Variants in NAV2 observed in about 807,000 individuals in gnomAD.
NAV2 encodes helicase, APC down-regulated 1.
In NAV2, 54 loss-of-function variants were observed where a neutral mutation model predicts 223.2. The observed-to-expected ratio is 0.24, with a 90% CI of 0.19 to 0.30. The LOEUF (loss-of-function observed/expected upper bound fraction) is 0.30. NAV2 is among the 10% of genes least tolerant of loss of function. NAV2 has a pLI of 1.00. For synonymous variants in NAV2, 1,279 were observed against 1,239.3 expected (o/e 1.03, Z -0.67); for missense variants, 2,806 against 3,147.5 (o/e 0.89, Z 2.60).
intron 1 of NAV2, among the ~76,000 whole-genome samples, chr11:19,616,391 A>T (rs1216252535): frequency 6.6e-6 from 1 of 150,470 alleles, no homozygotes; most frequent in Non-Finnish European, 1.5e-5. Flanking sequence ...TGTGTATTGC[A>T]GCCTGTTTGT....
At chr11:19,627,626 G>A (rs2047208364) in intron 1 of NAV2, among the ~76,000 whole-genome samples, 1 of 152,106 alleles carries the variant, frequency 6.6e-6, no homozygotes, top group African/African-American at 2.4e-5. Flanking sequence ...AGTCACAATT[G>A]TCATGTAGGT....
At chr11:19,532,666 A>G (rs1413632228) in intron 1 of NAV2, among the ~76,000 whole-genome samples, 1 of 152,220 alleles carries the variant, frequency 6.6e-6, no homozygotes, top group Middle Eastern at 3.2e-3. Context: ...GCTGCAGACT[A>G]GAGTATTTCA....
intron 1 of NAV2, among the ~76,000 whole-genome samples, chr11:19,535,488 A>T (rs1175041565): frequency 6.6e-6 from 1 of 152,190 alleles, no homozygotes; most frequent in Non-Finnish European, 1.5e-5. Context: ...CCTCATGGTG[A>T]GAAGGGGTGG....
chr11:19,716,078 G>A (rs1210755251), intron 1 of NAV2, among the ~76,000 whole-genome samples: 1 of 151,898 alleles, frequency 6.6e-6, no homozygotes, highest in East Asian at 1.9e-4. Flanking sequence ...CAGTCTCTTG[G>A]TTATGGCATG....
chr11:19,345,737 C>T (rs912690049), upstream of NAV2, among the ~76,000 whole-genome samples: 2 of 152,250 alleles, frequency 1.3e-5, no homozygotes, highest in Non-Finnish European at 2.9e-5. This position sits in a 1 kb window ranked among gnomAD's most constrained non-coding sequence, Gnocchi z 5.2. Flanking sequence ...CGCACTTTCC[C>T]GGCCTCCAGC....
Position 19,880,099 on chromosome 11 carries a change from T to G in NAV2, c.742T>G (p.Ser248Ala), listed in dbSNP as rs766165347. The change falls in exon 5 of 38, where the codon TCA becomes GCA. Residue 248 changes from serine (S) to alanine (A), a missense_variant. Ser to Ala is a moderately conservative substitution (Grantham distance 99). Around this residue, in one of 4 missense-constraint regions of NAV2, gnomAD observed 1,167 missense variants for 1,180.5 expected, o/e 0.99. Transcript: ENST00000349880. ...QPHQPAPHQQ[S>A]KAQAEMQSRL... ...TCACCAGCCAGCGCCACATCAGCAGTCAAAAGCACAAGCTGAAATGCAGTC... is the reference window on the plus strand; with the variant it reads ...TCACCAGCCAGCGCCACATCAGCAGGCAAAAGCACAAGCTGAAATGCAGTC... 6.2e-7 allele frequency: 1 copy of G among 1,603,546 alleles called. No homozygotes were observed. Among genetic ancestry groups the G allele is most frequent in the East Asian group, 2.2e-5 (1 of 44,628 alleles).
chr11:20,082,564 C>T, intron 25 of NAV2: 6 of 1,613,856 alleles, frequency 3.7e-6, no homozygotes, highest in Non-Finnish European at 5.1e-6. Context: ...TCCCCCTTCC[C>T]CATTTTTGCT....
intron 18 of NAV2, among the ~76,000 whole-genome samples, chr11:20,054,942 G>A (rs1321859995): frequency 1.3e-5 from 2 of 152,186 alleles, no homozygotes; most frequent in African/African-American, 4.8e-5. Context: ...TAGATAGCAA[G>A]CATTAGACAC....
At chr11:19,847,188 A>C (rs748791547) in intron 3 of NAV2, among the ~76,000 whole-genome samples, 16 of 152,282 alleles carry the variant, frequency 1.1e-4, no homozygotes, top group Non-Finnish European at 2.2e-4. Flanking sequence ...CTGCTTCCCA[A>C]TTTGAACTCA....
In NAV2 at chr11:20,120,441, C is replaced by T. The variant is rs1013863460; in HGVS notation, c.*2183C>T. On this transcript the variant is annotated 3_prime_UTR_variant, in exon 38 of 38. Coordinates refer to ENST00000349880, the MANE Select transcript of NAV2 (RefSeq NM_145117.5). ...CCAAACCCTAAGATTTCTGGTAAAC[C>T]TGAAGGGTGGCCCTCCTCAGACAAT... The T allele has an allele frequency of 6.6e-6, 1 of 152,624 alleles. No individual in the cohort carries two copies. The highest frequency in any genetic ancestry group is 6.5e-5 in the Admixed American group (1 of 15,278). The allele number at this position is 152,624 out of a possible 1,614,324, so 9.5% of individuals were successfully genotyped here. A position where few individuals can be genotyped will look rare whatever the true frequency, so the allele number is the denominator to read the frequency against.
intron 1 of NAV2, among the ~76,000 whole-genome samples, chr11:19,736,523 T>C (rs2052315677): frequency 6.6e-6 from 1 of 152,206 alleles, no homozygotes; most frequent in Non-Finnish European, 1.5e-5. Context: ...CTGGATATGC[T>C]GAGCTCTAAT....
intron 1 of NAV2, among the ~76,000 whole-genome samples, chr11:19,404,666 A>G (rs1275445900): frequency 6.6e-6 from 1 of 152,212 alleles, no homozygotes. Flanking sequence ...AAAAAATTGT[A>G]AATGCGCCTC....
At chr11:19,631,235 T>G (rs2047337391) in intron 1 of NAV2, among the ~76,000 whole-genome samples, 1 of 152,060 alleles carries the variant, frequency 6.6e-6, no homozygotes, top group Admixed American at 6.5e-5. Context: ...TAGGTATATC[T>G]CCCAATGCTA....
intron 1 of NAV2, among the ~76,000 whole-genome samples, chr11:19,615,206 A>C (rs1354381132): frequency 6.6e-6 from 1 of 151,506 alleles, no homozygotes; most frequent in Non-Finnish European, 1.5e-5. Flanking sequence ...ATATGTAAAA[A>C]TATACTGTAT....
chr11:20,113,502 G>C lies in NAV2; in HGVS notation c.6961-1090G>C, dbSNP rs539737613. Among the ~76,000 whole-genome samples, 97 of 152,288 alleles carry C rather than the reference G, an allele frequency of 6.4e-4. 3 individuals carry two copies. The South Asian group carries it at 0.019, about 31-fold the overall frequency. On this transcript the variant is annotated intron_variant, in intron 36 of 37. Transcript: ENST00000349880. Reference sequence around the variant, plus strand: ...AAAAGGAGCTTGGAGGCATGGTGTTGATCTTACCATAAAATTAAGTGATAA... The same window carrying C: ...AAAAGGAGCTTGGAGGCATGGTGTTCATCTTACCATAAAATTAAGTGATAA...
chr11:19,576,972 T>A (rs1471062890), intron 1 of NAV2, among the ~76,000 whole-genome samples: 1 of 152,194 alleles, frequency 6.6e-6, no homozygotes, highest in African/African-American at 2.4e-5. Flanking sequence ...TAATTCCTTG[T>A]TCACTAAGGA....
intron 8 of NAV2, among the ~76,000 whole-genome samples, chr11:19,943,322 C>G (rs889022285): frequency 6.6e-6 from 1 of 151,968 alleles, no homozygotes; most frequent in Non-Finnish European, 1.5e-5. Flanking sequence ...TTCATCTTTG[C>G]TTTTTTTAAA....
At chr11:19,413,823 C>G (rs925026008) in intron 1 of NAV2, among the ~76,000 whole-genome samples, 1 of 152,134 alleles carries the variant, frequency 6.6e-6, no homozygotes, top group African/African-American at 2.4e-5. Flanking sequence ...TCCAGCCAAA[C>G]TAAGCCTCAC....
At chr11:19,765,365 TCA>T (rs2055117834) in intron 1 of NAV2, among the ~76,000 whole-genome samples, 1 of 131,928 alleles carries the variant, frequency 7.6e-6, no homozygotes, top group African/African-American at 3.2e-5. Flanking sequence ...CCTGTCCTCC[TCA>T]TCTTCCCTTC....
Sources: allele counts gnomAD v4.1 joint callset (sites outside exome capture counted in the v4.1 genomes callset), GRCh38; gene constraint gnomAD v4.1.1; regional missense constraint gnomAD v4.1.1; non-coding constraint Gnocchi (gnomAD v3.1); transcripts MANE v1.5; gene names NCBI Gene and HGNC (gene_info 2026-07-23, HGNC 2026-07-21).